Variants in LRP1B observed in about 807,000 individuals in gnomAD.
The protein encoded by LRP1B is low-density lipoprotein receptor-related protein 1B.
Under a neutral mutation model 556.6 loss-of-function variants are expected in LRP1B, and 217 were observed. That is an observed-to-expected ratio of 0.39 (90% confidence interval 0.35 to 0.44). The LOEUF (loss-of-function observed/expected upper bound fraction) is 0.44. LRP1B is among the 20% of genes least tolerant of loss of function. The probability of loss-of-function intolerance (pLI) is 1.00; values close to 1 mark genes in which losing one functional copy is unlikely to be tolerated. For missense variants in LRP1B, 5,053 were observed against 5,620.8 expected, an observed-to-expected ratio of 0.90 and a Z score of 3.23; for synonymous variants, 2,047 against 1,865.8, an observed-to-expected ratio of 1.10 and a Z score of -2.50.
intron 68 of LRP1B, 50 bp from the exon 69 acceptor site, chr2:140,373,187 T>C (rs201508232): frequency 7.3e-6 from 11 of 1,506,882 alleles, no homozygotes; most frequent in Non-Finnish European, 1.0e-5. Context: ...TAGAAACACT[T>C]CTACACACTC....
At chr2:141,630,806 C>T (rs569492432) in intron 2 of LRP1B, among the ~76,000 whole-genome samples, 1 of 152,282 alleles carries the variant, frequency 6.6e-6, no homozygotes, top group East Asian at 1.9e-4. Flanking sequence ...TTTTCTTTAT[C>T]CAACTATCAA....
intron 31 of LRP1B, among the ~76,000 whole-genome samples, chr2:140,838,112 T>C (rs976599627): frequency 6.6e-6 from 1 of 152,128 alleles, no homozygotes; most frequent in Admixed American, 6.6e-5. Context: ...TTAGAAAAGA[T>C]AAGGTTTTCA....
chr2:141,500,769 T>A (rs1389011774), intron 2 of LRP1B, among the ~76,000 whole-genome samples: 1 of 152,102 alleles, frequency 6.6e-6, no homozygotes, highest in Non-Finnish European at 1.5e-5. Flanking sequence ...AACAAGGACA[T>A]AGTCTCATGA....
chr2:140,606,863 A>G (rs116706426), intron 41 of LRP1B, among the ~76,000 whole-genome samples: 6,243 of 152,054 alleles, frequency 0.041, 174 homozygotes, highest in Middle Eastern at 0.082. Flanking sequence ...AGGATAAAAA[A>G]TAGGAAGAAA....
rs975702328 is a variant in LRP1B at position 141,047,100 on chromosome 2, G to C, written c.1789+1886C>G. 4.2e-5 allele frequency among the ~76,000 whole-genome samples: 4 copies of C among 95,386 alleles called. No individual in the cohort carries two copies. In the South Asian group the frequency reaches 1.1e-3, roughly 26 times the overall value. The allele number at this position is 95,386 out of a possible 152,430, so 62.6% of individuals were successfully genotyped here. A position where few individuals can be genotyped will look rare whatever the true frequency, so the allele number is the denominator to read the frequency against. On this transcript the variant is annotated intron_variant, in intron 11 of 90. Transcript: ENST00000389484. ...ATAATAATAATAAATGCAAGTGTCT[G>C]GGTCAAAAACAAAACAACGTAAATT...
At chr2:141,192,237 T>C (rs1460123862) in intron 6 of LRP1B, among the ~76,000 whole-genome samples, 1 of 151,930 alleles carries the variant, frequency 6.6e-6, no homozygotes, top group Non-Finnish European at 1.5e-5. Context: ...ATTAGATGGA[T>C]GAACGGATAA....
At chr2:141,142,041 T>G (rs902417957) in intron 7 of LRP1B, among the ~76,000 whole-genome samples, 4 of 151,932 alleles carry the variant, frequency 2.6e-5, no homozygotes, top group African/African-American at 9.7e-5. Flanking sequence ...CTACAGTTAT[T>G]GATTCTCCTA....
chr2:140,983,158 T>C (rs542035501), intron 17 of LRP1B, among the ~76,000 whole-genome samples: 15 of 152,282 alleles, frequency 9.9e-5, no homozygotes, highest in Admixed American at 5.2e-4. Flanking sequence ...TAGTTGTTTT[T>C]ATCCTCTGAT....
At chr2:141,903,090 A>G (rs1403103287) in intron 1 of LRP1B, among the ~76,000 whole-genome samples, 3 of 151,694 alleles carry the variant, frequency 2.0e-5, no homozygotes, top group Non-Finnish European at 4.4e-5. Context: ...AATATTGACA[A>G]TGTTAACTAG....
intron 7 of LRP1B, among the ~76,000 whole-genome samples, chr2:141,103,104 T>C (rs1291285156): frequency 3.3e-5 from 5 of 152,098 alleles, no homozygotes; most frequent in East Asian, 3.9e-4. Context: ...CTGAAGTACA[T>C]GTCAACAGTG....
At chr2:140,476,231 T>A (rs1340276089) in intron 59 of LRP1B, among the ~76,000 whole-genome samples, 1 of 152,032 alleles carries the variant, frequency 6.6e-6, no homozygotes, top group Admixed American at 6.6e-5. Context: ...CTTGTCTACA[T>A]AAAGATTTGA....
At chr2:142,082,467 C>T (rs1705755640) in intron 1 of LRP1B, among the ~76,000 whole-genome samples, 1 of 152,074 alleles carries the variant, frequency 6.6e-6, no homozygotes, top group South Asian at 2.1e-4. Context: ...CAAATGCAAA[C>T]CCTGGGGATC....
At chr2:140,353,520 T>A (rs72894090) in intron 75 of LRP1B, among the ~76,000 whole-genome samples, 2 of 152,082 alleles carry the variant, frequency 1.3e-5, no homozygotes, top group African/African-American at 4.8e-5. Flanking sequence ...CCTACCTCCA[T>A]GCCTTCGAAG....
intron 37 of LRP1B, among the ~76,000 whole-genome samples, chr2:140,710,442 T>A (rs1421997497): frequency 6.6e-6 from 1 of 151,976 alleles, no homozygotes; most frequent in Non-Finnish European, 1.5e-5. Flanking sequence ...GTAAAGGATA[T>A]CAGAAATATA....
chr2:140,550,369 C>A (rs1346625874), intron 43 of LRP1B, among the ~76,000 whole-genome samples: 1 of 152,034 alleles, frequency 6.6e-6, no homozygotes, highest in Admixed American at 6.6e-5. Flanking sequence ...CTACAAAGTA[C>A]CCTAAGTTGT....
chr2:141,970,688 C>A (rs1298311608), intron 1 of LRP1B, among the ~76,000 whole-genome samples: 1 of 151,634 alleles, frequency 6.6e-6, no homozygotes, highest in African/African-American at 2.4e-5. Context: ...ACCATTCCTT[C>A]ATTCTAGGTT....
At chr2:140,634,828 G>A (rs1390293680) in intron 41 of LRP1B, among the ~76,000 whole-genome samples, 1 of 152,042 alleles carries the variant, frequency 6.6e-6, no homozygotes, top group Admixed American at 6.5e-5. Context: ...TGCCATGCCA[G>A]GAGGAATCCT....
chr2:141,346,238 A>G (rs79242641), intron 3 of LRP1B, among the ~76,000 whole-genome samples: 220 of 152,134 alleles, frequency 1.4e-3, no homozygotes, highest in Non-Finnish European at 1.9e-3. Flanking sequence ...TATATTTAAG[A>G]GTGAGAAACA....
At chr2:141,057,442 C>T (rs1257335375) in intron 9 of LRP1B, among the ~76,000 whole-genome samples, 1 of 151,644 alleles carries the variant, frequency 6.6e-6, no homozygotes, top group Non-Finnish European at 1.5e-5. Context: ...ATGTTGTTGC[C>T]CAGATATCTC....
Sources: gnomAD v4.1 joint callset for allele counts (sites outside exome capture counted in the v4.1 genomes callset) on GRCh38, gnomAD v4.1.1 for gene constraint, MANE v1.5 for transcripts, NCBI Gene and HGNC (gene_info 2026-07-23, HGNC 2026-07-21) for gene names.